The following SENP1 variants were observed in gnomAD, a reference collection of about 807,000 sequenced individuals.
SENP1 encodes SUMO specific peptidase 1.
In SENP1, 21 loss-of-function variants were observed where a neutral mutation model predicts 93.0. The ratio of observed to expected loss-of-function variants is 0.23; its 90% confidence interval spans 0.16 to 0.33. The LOEUF is 0.33. SENP1 is among the 10% of genes least tolerant of loss of function. The probability of loss-of-function intolerance (pLI) is 1.00; values close to 1 mark genes in which losing one functional copy is unlikely to be tolerated. For missense variants in SENP1, 591 were observed against 758.7 expected (o/e 0.78, Z 2.60); for synonymous variants, 256 against 259.6 (o/e 0.99, Z 0.13).
At chr12:48,083,800 A>G (rs1319604251) in intron 5 of SENP1, 38 bp from the exon 6 acceptor site, 4 of 1,427,228 alleles carry the variant, frequency 2.8e-6, no homozygotes, top group Non-Finnish European at 3.8e-6. Flanking sequence ...AGAACAGATA[A>G]TAAGTAAAAT....
At chr12:48,098,643 CAA>C (rs749908469) in intron 2 of SENP1, among the ~76,000 whole-genome samples, 9 of 109,300 alleles carry the variant, frequency 8.2e-5, no homozygotes, top group African/African-American at 1.3e-4. Flanking sequence ...AACTCCATCT[CAA>C]AAAAAAAAAA....
At chr12:48,084,146 T>C (rs1418499305) in intron 5 of SENP1, among the ~76,000 whole-genome samples, 1 of 152,208 alleles carries the variant, frequency 6.6e-6, no homozygotes, top group African/African-American at 2.4e-5. Flanking sequence ...CCTGTACCCC[T>C]TGTACCCAGC....
intron 4 of SENP1, among the ~76,000 whole-genome samples, chr12:48,093,961 CA>C (rs1418556541): frequency 1.3e-5 from 2 of 151,398 alleles, no homozygotes; most frequent in East Asian, 1.9e-4. Context: ...GACCCTGTCT[CA>C]AAAAAAATTA....
At chr12:48,098,590 C>T (rs1945715109) in intron 2 of SENP1, among the ~76,000 whole-genome samples, 1 of 149,850 alleles carries the variant, frequency 6.7e-6, no homozygotes, top group African/African-American at 2.5e-5. Context: ...TTGCAGTGGG[C>T]CAAGATCGTG....
chr12:48,065,597 T>C lies in SENP1; in HGVS notation c.1118A>G (p.Gln373Arg). The change falls in exon 11 of 18, where the codon CAG (glutamine) becomes CGG (arginine). Residue 373 changes from glutamine to arginine, a missense_variant and splice_region_variant. Physicochemically the swap from Gln to Arg is conservative, Grantham distance 43 (BLOSUM62 1). Around this residue, in one of 4 missense-constraint regions of SENP1, gnomAD observed 238 missense variants for 259.1 expected, o/e 0.92. Coordinates refer to ENST00000549518, the MANE Select transcript of SENP1 (RefSeq NM_001267594.2). Reference sequence around the variant, plus strand: ...TATTATTCCAATTTTCTTTTTTACCTGGTTTTGAAGCTGTAAGGCCAATGC... The same window carrying C: ...TATTATTCCAATTTTCTTTTTTACCCGGTTTTGAAGCTGTAAGGCCAATGC... ...QKALALQLQN[Q>R]RLQEREHSVH... The C allele has an allele frequency of 6.5e-7, 1 of 1,541,328 alleles. No individual in the cohort carries two copies. Among genetic ancestry groups the C allele is most frequent in the Non-Finnish European group, 8.8e-7 (1 of 1,139,682 alleles).
At chr12:48,104,442 G>A (rs1195393030) in intron 1 of SENP1, among the ~76,000 whole-genome samples, 1 of 152,026 alleles carries the variant, frequency 6.6e-6, no homozygotes, top group Non-Finnish European at 1.5e-5. Flanking sequence ...GTACTATATC[G>A]TCATGTGTTT....
chr12:48,063,517 ACACCTG>A (rs1943092602), intron 13 of SENP1, 187 bp downstream of exon 13: 1 of 486,608 alleles, frequency 2.1e-6, no homozygotes, highest in Non-Finnish European at 3.6e-6. Context: ...ACTTTAAAAT[ACACCTG>A]AGATGTTTGT....
In SENP1 at chr12:48,045,122, A is replaced by G. The variant is rs1941266272; in HGVS notation, c.*200T>C. 4 of 569,602 alleles carry G rather than the reference A, an allele frequency of 7.0e-6. No homozygotes were observed. Among genetic ancestry groups the G allele is most frequent in the South Asian group, 6.9e-5 (3 of 43,432 alleles). The allele number at this position is 569,602 out of a possible 1,614,324, so 35.3% of individuals were successfully genotyped here. A position where few individuals can be genotyped will look rare whatever the true frequency, so the allele number is the denominator to read the frequency against. ...TGTCCCTCACCCCTTTCACAGCACC[A>G]AAGTTTCTTTGCAAAAATAGTATCT... On this transcript the variant is annotated 3_prime_UTR_variant, in exon 18 of 18. Coordinates refer to ENST00000549518, the MANE Select transcript of SENP1 (RefSeq NM_001267594.2).
chr12:48,067,359 C>T (rs933317314), intron 9 of SENP1, among the ~76,000 whole-genome samples: 1 of 152,168 alleles, frequency 6.6e-6, no homozygotes, highest in African/African-American at 2.4e-5. Context: ...AAAATCCCCA[C>T]ACACAAAATA....
chr12:48,096,569 C>G, intron 3 of SENP1, 142 bp from the exon 4 acceptor site: 2 of 572,670 alleles, frequency 3.5e-6, no homozygotes, highest in South Asian at 4.2e-5. Flanking sequence ...GATTCTCCTG[C>G]CTCAGCCTCC....
intron 13 of SENP1, among the ~76,000 whole-genome samples, chr12:48,056,153 AATATATAGTATATATTATTTT>A (rs1262711932): frequency 2.5e-5 from 1 of 40,174 alleles, no homozygotes; most frequent in Non-Finnish European, 4.3e-5. Flanking sequence ...TATATTATTT[AATATATAGTATATATTATTTT>A]ATATATATTA....
At chr12:48,075,602 A>G (rs1944011308) in intron 6 of SENP1, among the ~76,000 whole-genome samples, 1 of 152,232 alleles carries the variant, frequency 6.6e-6, no homozygotes, top group Non-Finnish European at 1.5e-5. Flanking sequence ...TTTTTCCTGT[A>G]AGACCCAATA....
At chr12:48,081,994 T>C (rs528589031) in intron 6 of SENP1, among the ~76,000 whole-genome samples, 27 of 152,262 alleles carry the variant, frequency 1.8e-4, no homozygotes, top group South Asian at 4.1e-4. Flanking sequence ...GTTCACGCCA[T>C]TCTCCTGCCT....
At chr12:48,072,914 G>T (rs4760680) in intron 8 of SENP1, among the ~76,000 whole-genome samples, 25,226 of 151,740 alleles carry the variant, frequency 0.17, 2,417 homozygotes, top group East Asian at 0.28. Context: ...CCACAGATAA[G>T]GGGGAACTAC....
intron 4 of SENP1, among the ~76,000 whole-genome samples, chr12:48,090,040 G>A (rs914384801): frequency 6.6e-6 from 1 of 152,182 alleles, no homozygotes; most frequent in African/African-American, 2.4e-5. Flanking sequence ...AAAAGAAGAA[G>A]TCATGGCTGG....
chr12:48,045,946 A>C (rs1447619931), intron 17 of SENP1, among the ~76,000 whole-genome samples: 4 of 152,204 alleles, frequency 2.6e-5, no homozygotes, highest in Non-Finnish European at 5.9e-5. Context: ...AGATTCATCA[A>C]GTGAGGGGTC....
chr12:48,068,198 A>G (rs563729032), intron 9 of SENP1, among the ~76,000 whole-genome samples: 27 of 152,282 alleles, frequency 1.8e-4, no homozygotes, highest in African/African-American at 6.5e-4. Flanking sequence ...TGAATAAACA[A>G]GTAATGTAGG....
chr12:48,046,451 C>T lies in SENP1; in HGVS notation c.1777G>A (p.Glu593Lys). The change falls in exon 17 of 18, where the codon GAG (glutamate) becomes AAG (lysine). Residue 593 changes from glutamate to lysine, a missense_variant and splice_region_variant. Transcript: ENST00000549518. Reference sequence around the variant, plus strand: ...CTTCCATTCATCTGCTGAGGAATCTCCTGGAAGACCAACAACAAAAAAAAT... The same window carrying T: ...CTTCCATTCATCTGCTGAGGAATCTTCTGGAAGACCAACAACAAAAAAAAT... ...GWQLFSKKSQ[E>K]IPQQMNGSDC... 6.2e-7 allele frequency: 1 copy of T among 1,600,866 alleles called. No individual in the cohort carries two copies. Among genetic ancestry groups the T allele is most frequent in the Non-Finnish European group, 8.6e-7 (1 of 1,168,234 alleles).
At chr12:48,054,523 C>T (rs991448742) in intron 13 of SENP1, among the ~76,000 whole-genome samples, 1 of 152,164 alleles carries the variant, frequency 6.6e-6, no homozygotes, top group Non-Finnish European at 1.5e-5. Context: ...GGCGCAGTGG[C>T]TCACATCTGT....
Sources: allele counts gnomAD v4.1 joint callset (sites outside exome capture counted in the v4.1 genomes callset), GRCh38; gene constraint gnomAD v4.1.1; regional missense constraint gnomAD v4.1.1; transcripts MANE v1.5; gene names NCBI Gene and HGNC (gene_info 2026-07-23, HGNC 2026-07-21).